Variants in NTN4 observed in about 807,000 individuals in gnomAD.
NTN4 encodes the protein netrin 4.
Under a neutral mutation model 73.6 loss-of-function variants are expected in NTN4, and 32 were observed. The ratio of observed to expected loss-of-function variants is 0.44; its 90% CI spans 0.33 to 0.58. The LOEUF is 0.58. Among genes scored for constraint, NTN4 ranks in the 20% least tolerant of loss-of-function variants. The pLI is 0.04. For synonymous variants in NTN4, 258 were observed against 287.5 expected (o/e 0.90, Z 1.04); for missense variants, 654 against 798.3 (o/e 0.82, Z 2.18).
At chr12:95,740,206 G>T (rs1029613019) in intron 2 of NTN4, among the ~76,000 whole-genome samples, 1 of 152,174 alleles carries the variant, frequency 6.6e-6, no homozygotes, top group Admixed American at 6.5e-5. Context: ...TCTACCCTGC[G>T]TCAGGAAACA....
At chr12:95,735,552 G>A (rs1314863628) in intron 3 of NTN4, among the ~76,000 whole-genome samples, 4 of 152,272 alleles carry the variant, frequency 2.6e-5, no homozygotes, top group South Asian at 2.1e-4. Flanking sequence ...TGAGGTTTCC[G>A]TTCCATAGGG....
intron 3 of NTN4, among the ~76,000 whole-genome samples, chr12:95,721,582 A>T (rs2078648059): frequency 6.6e-6 from 1 of 152,150 alleles, no homozygotes; most frequent in Non-Finnish European, 1.5e-5. Context: ...ACTCTAATTA[A>T]AGATTTGCTC....
chr12:95,700,721 C>T (rs983085155), intron 5 of NTN4, among the ~76,000 whole-genome samples: 2 of 151,954 alleles, frequency 1.3e-5, no homozygotes, highest in African/African-American at 4.8e-5. Context: ...CGAACCCTGC[C>T]GCAAAAGCCA....
chr12:95,710,044 G>T (rs966363915), intron 5 of NTN4, among the ~76,000 whole-genome samples: 1 of 152,134 alleles, frequency 6.6e-6, no homozygotes, highest in Admixed American at 6.5e-5. Flanking sequence ...TAAGGTAAAA[G>T]AATAATCCAA....
intron 3 of NTN4, among the ~76,000 whole-genome samples, chr12:95,729,964 CAG>C (rs1185444214): frequency 1.3e-5 from 2 of 152,122 alleles, no homozygotes; most frequent in Non-Finnish European, 2.9e-5. Flanking sequence ...CTTCCAGACA[CAG>C]AGATCTGACT....
intron 2 of NTN4, among the ~76,000 whole-genome samples, chr12:95,741,326 TATTATATATTA>T (rs1315312891): frequency 6.8e-6 from 1 of 146,152 alleles, no homozygotes; most frequent in East Asian, 2.0e-4. Context: ...ATTATATATT[TATTATATATTA>T]AATACAATTA....
intron 7 of NTN4, among the ~76,000 whole-genome samples, chr12:95,675,421 G>A (rs2078265952): frequency 6.6e-6 from 1 of 152,032 alleles, no homozygotes; most frequent in Non-Finnish European, 1.5e-5. Context: ...TTAGGTGGCG[G>A]GTATGTGAAT....
At chr12:95,764,875 A>G (rs377251894) in intron 2 of NTN4, among the ~76,000 whole-genome samples, 35 of 152,280 alleles carry the variant, frequency 2.3e-4, no homozygotes, top group African/African-American at 6.7e-4. Context: ...ACCTTAAGAG[A>G]GATTTTTTTA....
Position 95,790,665 on chromosome 12 carries a change from G to C in NTN4, c.-356C>G. On this transcript the variant is annotated 5_prime_UTR_variant, in exon 1 of 10. Coordinates refer to ENST00000343702, the MANE Select transcript of NTN4 (RefSeq NM_021229.4). The surrounding 1 kb of genome is among the most constrained non-coding windows in gnomAD (Gnocchi z 6.5). Reference sequence around the variant, plus strand: ...CCGCAGCCGCCGCTGAACTTTGCGAGACCTTTCACTTCCCGGCCGCCGCCG... The same window carrying C: ...CCGCAGCCGCCGCTGAACTTTGCGACACCTTTCACTTCCCGGCCGCCGCCG... The C allele has an allele frequency of 1.1e-5, 2 of 178,252 alleles. No individual in the cohort carries two copies. The highest frequency in any genetic ancestry group is 2.3e-5 in the Non-Finnish European group (2 of 85,538). 11.0% of individuals were successfully genotyped at this position (178,252 alleles called of 1,614,324 possible).
intron 2 of NTN4, among the ~76,000 whole-genome samples, chr12:95,745,987 C>T (rs761138510): frequency 1.1e-4 from 17 of 152,212 alleles, no homozygotes; most frequent in Non-Finnish European, 2.2e-4. Flanking sequence ...CTCCCTCCTT[C>T]AGGGTGTAAT....
At chr12:95,736,130 G>C (rs2078776224) in intron 3 of NTN4, among the ~76,000 whole-genome samples, 1 of 151,922 alleles carries the variant, frequency 6.6e-6, no homozygotes, top group African/African-American at 2.4e-5. Context: ...GTAGAGATGG[G>C]GTTTTGCTGT....
At chr12:95,777,370 T>C (rs2079101241) in intron 2 of NTN4, among the ~76,000 whole-genome samples, 1 of 152,120 alleles carries the variant, frequency 6.6e-6, no homozygotes, top group African/African-American at 2.4e-5. Context: ...GACTGGCAAA[T>C]TGGATAAAGA....
At chr12:95,759,614 C>T (rs2078971964) in intron 2 of NTN4, among the ~76,000 whole-genome samples, 1 of 151,576 alleles carries the variant, frequency 6.6e-6, no homozygotes, top group Non-Finnish European at 1.5e-5. Flanking sequence ...ACACCTGTCA[C>T]CACACCTGGC....
intron 6 of NTN4, 73 bp from the exon 7 acceptor site, chr12:95,682,895 G>T: frequency 1.2e-6 from 1 of 814,716 alleles, no homozygotes. Flanking sequence ...AATCTATAGA[G>T]ATTTAAACCT....
chr12:95,722,428 C>A (rs115662745), intron 3 of NTN4, among the ~76,000 whole-genome samples: 14,226 of 150,846 alleles, frequency 0.094, 925 homozygotes, highest in Non-Finnish European at 0.14. Context: ...AAATTGGAGA[C>A]CAGCCTCGGC....
intron 5 of NTN4, among the ~76,000 whole-genome samples, chr12:95,687,392 T>G (rs982023851): frequency 1.8e-4 from 25 of 141,498 alleles, no homozygotes; most frequent in African/African-American, 3.1e-4. Flanking sequence ...AAATTTTTTT[T>G]TTTGTTTTTT....
intron 5 of NTN4, among the ~76,000 whole-genome samples, chr12:95,706,676 T>C (rs187814290): frequency 6.6e-6 from 1 of 152,316 alleles, no homozygotes; most frequent in East Asian, 1.9e-4. Flanking sequence ...TCCAACGTTT[T>C]CTTGCACTAT....
intron 7 of NTN4, among the ~76,000 whole-genome samples, chr12:95,679,683 C>T (rs2078300884): frequency 1.3e-5 from 2 of 152,180 alleles, no homozygotes; most frequent in Admixed American, 6.5e-5. Flanking sequence ...TGTATGCCTA[C>T]ATCCACAGTG....
chr12:95,767,762 C>G (rs186035132), intron 2 of NTN4, among the ~76,000 whole-genome samples: 2 of 152,252 alleles, frequency 1.3e-5, no homozygotes, highest in South Asian at 2.1e-4. Flanking sequence ...GCACCTTGCA[C>G]TGTTTTCCAG....
Sources: allele counts gnomAD v4.1 joint callset (sites outside exome capture counted in the v4.1 genomes callset), GRCh38; gene constraint gnomAD v4.1.1; non-coding constraint Gnocchi (gnomAD v3.1); transcripts MANE v1.5; gene names NCBI Gene and HGNC (gene_info 2026-07-23, HGNC 2026-07-21).